The following MYO16 variants were observed in gnomAD, a reference collection of about 807,000 sequenced individuals.
MYO16 encodes the protein myosin XVI.
MYO16 carries 94 observed loss-of-function variants against 205.3 expected under a neutral mutation model. The observed-to-expected ratio is 0.46, with a 90% CI of 0.39 to 0.54. MYO16 has a LOEUF of 0.54. Among genes scored for constraint, MYO16 ranks in the 20% least tolerant of loss-of-function variants. MYO16 has a pLI of 0.00. For synonymous variants in MYO16, 988 were observed against 954.0 expected (o/e 1.04, Z -0.66); for missense variants, 2,315 against 2,387.5 (o/e 0.97, Z 0.63).
chr13:108,900,205 A>T (rs1032764313), intron 15 of MYO16, among the ~76,000 whole-genome samples: 2 of 152,234 alleles, frequency 1.3e-5, no homozygotes, highest in African/African-American at 4.8e-5. Context: ...TTAGAAAATA[A>T]TTATGTACAC....
chr13:108,956,252 T>C (rs1354640818), intron 16 of MYO16, among the ~76,000 whole-genome samples: 1 of 152,160 alleles, frequency 6.6e-6, no homozygotes, highest in African/African-American at 2.4e-5. Context: ...CTACTCATCA[T>C]GAGCTCCCTG....
At chr13:108,996,976 C>T (rs1885021670) in intron 21 of MYO16, among the ~76,000 whole-genome samples, 1 of 152,114 alleles carries the variant, frequency 6.6e-6, no homozygotes, top group South Asian at 2.1e-4. Flanking sequence ...GCCATGATGT[C>T]TAGTAAAATT....
At chr13:108,864,225 G>A (rs1239436236) in intron 11 of MYO16, among the ~76,000 whole-genome samples, 1 of 151,940 alleles carries the variant, frequency 6.6e-6, no homozygotes, top group Admixed American at 6.6e-5. Context: ...CCTTGAAGTT[G>A]ATACTTAGAT....
intron 31 of MYO16, among the ~76,000 whole-genome samples, chr13:109,134,716 G>A (rs1035987809): frequency 4.6e-5 from 7 of 152,180 alleles, no homozygotes; most frequent in Non-Finnish European, 8.8e-5. Context: ...ATGCAGCATC[G>A]CTTTCAGGGA....
intron 28 of MYO16, 44 bp from the exon 29 acceptor site, chr13:109,120,326 G>C (rs370720330): frequency 7.7e-7 from 1 of 1,293,026 alleles, no homozygotes. Flanking sequence ...CATCATTTTG[G>C]TATCTTCATG....
chr13:108,538,458 T>TA, the MYO16 span, among the ~76,000 whole-genome samples: 1 of 152,046 alleles, frequency 6.6e-6, no homozygotes, highest in Non-Finnish European at 1.5e-5. Flanking sequence ...GTTGTGTGGG[T>TA]ATGGGACAGA....
upstream of MYO16, among the ~76,000 whole-genome samples, chr13:108,626,393 G>T (rs1328268259): frequency 6.6e-6 from 1 of 152,128 alleles, no homozygotes; most frequent in Non-Finnish European, 1.5e-5. Context: ...TCTTTCGAAC[G>T]CATGGATTTA....
At chr13:108,646,400 ATTG>A (rs1880757076) in intron 1 of MYO16, among the ~76,000 whole-genome samples, 1 of 152,210 alleles carries the variant, frequency 6.6e-6, no homozygotes, top group African/African-American at 2.4e-5. Context: ...CAGCTATGAA[ATTG>A]TTGTATTAAA....
At chr13:108,841,253 A>G (rs1216183112) in intron 9 of MYO16, among the ~76,000 whole-genome samples, 2 of 152,244 alleles carry the variant, frequency 1.3e-5, no homozygotes, top group African/African-American at 2.4e-5. Context: ...AGAGTCCCAA[A>G]GTAAACCCAC....
intron 2 of MYO16, among the ~76,000 whole-genome samples, chr13:108,667,326 T>TTTTG (rs1881783424): frequency 6.7e-6 from 1 of 150,004 alleles, no homozygotes; most frequent in African/African-American, 2.5e-5. Flanking sequence ...TTTTGTTTTT[T>TTTTG]TTTTTTTTTT....
intron 34 of MYO16, among the ~76,000 whole-genome samples, chr13:109,189,164 A>C (rs906967367): frequency 6.6e-6 from 1 of 151,012 alleles, no homozygotes; most frequent in Non-Finnish European, 1.5e-5. Context: ...AGATTCAGCA[A>C]GTCAAGTCCT....
At chr13:108,659,122 C>T (rs1288565913) in intron 1 of MYO16, among the ~76,000 whole-genome samples, 2 of 150,010 alleles carry the variant, frequency 1.3e-5, no homozygotes, top group Non-Finnish European at 1.5e-5. Context: ...TTAGTTATAA[C>T]ATAATGTCTC....
chr13:108,856,106 C>T (rs904239837), intron 11 of MYO16, among the ~76,000 whole-genome samples: 1 of 152,190 alleles, frequency 6.6e-6, no homozygotes, highest in Non-Finnish European at 1.5e-5. Context: ...AATTTATTTA[C>T]TGCGGTTCTA....
chr13:109,118,184 C>G (rs547188539), intron 28 of MYO16, among the ~76,000 whole-genome samples: 25 of 152,294 alleles, frequency 1.6e-4, no homozygotes, highest in African/African-American at 5.8e-4. Context: ...TCTTTTTTCT[C>G]TAAAGCTGTT....
the MYO16 span, among the ~76,000 whole-genome samples, chr13:108,560,905 T>C: frequency 0.011 from 1,673 of 152,312 alleles, 44 homozygotes; most frequent in East Asian, 0.078. Flanking sequence ...TATTTTATTG[T>C]TTTCAGAACT....
rs1197708270 is a variant in MYO16 at position 108,675,142 on chromosome 13, G to C, written c.292+8993G>C. 2.0e-5 allele frequency among the ~76,000 whole-genome samples: 3 copies of C among 152,340 alleles called. No individual in the cohort carries two copies. The East Asian group carries it at 5.8e-4, about 29-fold the overall frequency. ...AAGAAGTAGCTCAGATAAGATGTTT[G>C]CTGGGGCAGCTACAAGGTACAAAAG... is the stretch of plus-strand genomic sequence containing the variant. On this transcript the variant is annotated intron_variant, in intron 2 of 34. Transcript: ENST00000457511.
chr13:108,801,361 G>C (rs1372563264), intron 6 of MYO16, among the ~76,000 whole-genome samples: 1 of 152,178 alleles, frequency 6.6e-6, no homozygotes, highest in East Asian at 1.9e-4. Context: ...CTGGACTGTA[G>C]GTGAATTGGT....
intron 20 of MYO16, among the ~76,000 whole-genome samples, chr13:108,974,431 A>G (rs956980896): frequency 6.6e-6 from 1 of 152,120 alleles, no homozygotes; most frequent in Non-Finnish European, 1.5e-5. Flanking sequence ...AGTTTTCCAT[A>G]TAACTTCTGG....
chr13:108,596,444 C>T (rs966868742), intron 1 of MYO16, among the ~76,000 whole-genome samples: 4 of 151,930 alleles, frequency 2.6e-5, no homozygotes, highest in Admixed American at 2.6e-4. Flanking sequence ...CTAATTCAAT[C>T]ATTCTCTTTA....
Sources: gnomAD v4.1 joint callset for allele counts (sites outside exome capture counted in the v4.1 genomes callset) on GRCh38, gnomAD v4.1.1 for gene constraint, MANE v1.5 for transcripts, NCBI Gene and HGNC (gene_info 2026-07-23, HGNC 2026-07-21) for gene names.